WNK2: variants seen among roughly 807,000 people sequenced by gnomAD.
The protein encoded by WNK2 is WNK lysine deficient protein kinase 2, also known as serine/threonine-protein kinase WNK2.
A neutral mutation model predicts 192.1 loss-of-function variants in WNK2; 67 were observed. The observed-to-expected ratio is 0.35, with a 90% CI of 0.29 to 0.43. The LOEUF is 0.43. WNK2 is among the 20% of genes least tolerant of loss of function. The probability of loss-of-function intolerance (pLI) is 1.00; values close to 1 mark genes in which losing one functional copy is unlikely to be tolerated. For missense variants in WNK2, 2,698 were observed against 3,089.7 expected (o/e 0.87, Z 3.01); for synonymous variants, 1,439 against 1,393.9 (o/e 1.03, Z -0.72).
intron 19 of WNK2, among the ~76,000 whole-genome samples, chr9:93,286,134 T>C (rs1282010934): frequency 6.6e-6 from 1 of 152,106 alleles, no homozygotes; most frequent in Non-Finnish European, 1.5e-5. Context: ...CAACAAAATA[T>C]GCAAATGGAA....
chr9:93,185,742 T>C (rs1446786422), intron 2 of WNK2, 132 bp downstream of exon 2: 4 of 1,065,768 alleles, frequency 3.8e-6, no homozygotes, highest in Admixed American at 2.5e-5. Context: ...TGTCACCCTC[T>C]GTGTGGATGG....
intron 23 of WNK2, among the ~76,000 whole-genome samples, chr9:93,296,824 TCCCCTCATCTTCCTC>T (rs1460178770): frequency 1.2e-5 from 1 of 83,774 alleles, no homozygotes; most frequent in Non-Finnish European, 2.2e-5. Context: ...CTCTCCATTC[TCCCCTCATCTTCCTC>T]CCCCTCCATC....
intron 2 of WNK2, among the ~76,000 whole-genome samples, chr9:93,225,500 G>A (rs189834940): frequency 1.0e-3 from 152 of 152,308 alleles, no homozygotes; most frequent in African/African-American, 3.3e-3. Flanking sequence ...ACCTCTAAGA[G>A]GCACCATTGT....
intron 19 of WNK2, among the ~76,000 whole-genome samples, chr9:93,285,932 C>T (rs74367677): frequency 0.017 from 2,655 of 152,176 alleles, 74 homozygotes; most frequent in African/African-American, 0.061. Flanking sequence ...CAGTGGAGAC[C>T]GGGTGGTCTT....
intron 19 of WNK2, among the ~76,000 whole-genome samples, chr9:93,281,338 G>C (rs1373733163): frequency 6.6e-6 from 1 of 150,576 alleles, no homozygotes; most frequent in East Asian, 2.0e-4. Context: ...CAAATGACTA[G>C]ATTGAAATTT....
At position 93,222,724 on chromosome 9, in the gene WNK2, C is replaced by T. The variant is rs527250397; in HGVS notation, c.682-6972C>T. 5.3e-5 allele frequency among the ~76,000 whole-genome samples: 8 copies of T among 152,240 alleles called. No homozygotes were observed. In the South Asian group the frequency reaches 1.7e-3, roughly 32 times the overall value. ...TGAGACAGAGTTTCAGTCTTGTTGC[C>T]TAGGCTGGAGTGCAATGGTGTGATC... is the stretch of plus-strand genomic sequence containing the variant. On this transcript the variant is annotated intron_variant, in intron 2 of 29. Coordinates refer to ENST00000427277, the MANE Select transcript of WNK2 (RefSeq NM_006648.4).
chr9:93,281,309 C>A (rs1373971403), intron 19 of WNK2, among the ~76,000 whole-genome samples: 1 of 151,938 alleles, frequency 6.6e-6, no homozygotes, highest in East Asian at 1.9e-4. Flanking sequence ...ACTAAGTTTG[C>A]CTACTGCATT....
chr9:93,319,203 C>T lies in WNK2; in HGVS notation c.6629-1164C>T, dbSNP rs767265403. On this transcript the variant is annotated intron_variant, in intron 29 of 29. Transcript: ENST00000427277. The stretch of plus-strand genomic sequence containing the variant: ...AAGGAGAAAAATAAACACTTTTGCT[C>T]GAAAACAGTGTGAAACAACATCTTT... 47 of 1,612,584 alleles carry T rather than the reference C, an allele frequency of 2.9e-5. No individual in the cohort carries two copies. The East Asian group carries it at 4.2e-4, about 15-fold the overall frequency.
intron 19 of WNK2, among the ~76,000 whole-genome samples, chr9:93,282,652 G>A (rs1434188865): frequency 1.3e-5 from 2 of 152,062 alleles, no homozygotes; most frequent in Non-Finnish European, 2.9e-5. Flanking sequence ...ATAATTTAAT[G>A]TTTGCTTATA....
At chr9:93,253,615 A>G (rs1842890974) in intron 9 of WNK2, among the ~76,000 whole-genome samples, 1 of 151,994 alleles carries the variant, frequency 6.6e-6, no homozygotes, top group African/African-American at 2.4e-5. Flanking sequence ...TCTCTCCCAG[A>G]TATTGTGTAG....
chr9:93,195,165 A>C (rs1288785280), intron 2 of WNK2, among the ~76,000 whole-genome samples: 2 of 152,180 alleles, frequency 1.3e-5, no homozygotes, highest in African/African-American at 4.8e-5. Flanking sequence ...AACCCATAGC[A>C]TGTACAGCAC....
intron 16 of WNK2, among the ~76,000 whole-genome samples, chr9:93,264,640 G>A (rs1405947993): frequency 6.6e-6 from 1 of 152,232 alleles, no homozygotes; most frequent in Non-Finnish European, 1.5e-5. Context: ...CACGCACGAA[G>A]AAACATGGAA....
chr9:93,277,832 G>A (rs2133488364), intron 19 of WNK2, among the ~76,000 whole-genome samples: 1 of 152,268 alleles, frequency 6.6e-6, no homozygotes, highest in Non-Finnish European at 1.5e-5. Flanking sequence ...TTACTGTATG[G>A]TAAGTTTTAA....
Position 93,259,370 on chromosome 9 carries a change from A to G in WNK2, c.2822A>G (p.Gln941Arg). ...CAGAATATGAGGGCCACCCCTCCAC[A>G]GCCGGCACTGCCTCCACAACCCACA... The part of the protein sequence containing the change: ...TVQNMRATPP[Q>R]PALPPQPTLP... Residue 941 changes from glutamine to arginine, a missense_variant, in exon 12 of 30, where the codon CAG becomes CGG. This residue lies in a region of WNK2 where 893 missense variants were observed against 909.0 expected (regional missense o/e 0.98). Coordinates refer to ENST00000427277, the MANE Select transcript of WNK2 (RefSeq NM_006648.4). The surrounding 1 kb of genome is among the most constrained non-coding windows in gnomAD (Gnocchi z 4.8). 6.2e-7 allele frequency: 1 copy of G among 1,608,494 alleles called. No homozygotes were observed. The highest frequency in any genetic ancestry group is 2.2e-5 in the East Asian group (1 of 44,586).
At chr9:93,287,377 T>G (rs1482792421) in intron 19 of WNK2, among the ~76,000 whole-genome samples, 1 of 152,054 alleles carries the variant, frequency 6.6e-6, no homozygotes, top group Non-Finnish European at 1.5e-5. Context: ...TGTGCCTCAG[T>G]GTTAGTCGTG....
At position 93,234,908 on chromosome 9, in the gene WNK2, G is replaced by C. The variant is rs376389884; in HGVS notation, c.1176G>C (p.Ser392=). Residue 392 remains serine, a synonymous_variant, in exon 5 of 30, where the codon TCG becomes TCC. Transcript: ENST00000427277. ...FGMCMLEMAT[S]EYPYSECQNA... ...TGTGCATGCTGGAGATGGCCACCTC[G>C]GAGTACCCCTACTCGGAGTGCCAGA... The C allele has an allele frequency of 6.9e-5, 112 of 1,614,146 alleles. 1 individual carries two copies. The South Asian group carries it at 1.1e-3, about 16-fold the overall frequency.
At chr9:93,215,189 T>A (rs1835519560) in intron 2 of WNK2, among the ~76,000 whole-genome samples, 1 of 152,176 alleles carries the variant, frequency 6.6e-6, no homozygotes, top group Admixed American at 6.5e-5. Context: ...TGGCGCGATC[T>A]CGGCTCACTG....
At chr9:93,219,096 G>T (rs80345890) in intron 2 of WNK2, among the ~76,000 whole-genome samples, 4,632 of 152,382 alleles carry the variant, frequency 0.03, 143 homozygotes, top group Middle Eastern at 0.14. Context: ...GACAGGAGAG[G>T]AGGGCACCTG....
intron 2 of WNK2, among the ~76,000 whole-genome samples, chr9:93,209,387 A>G (rs879471391): frequency 2.0e-5 from 3 of 152,054 alleles, no homozygotes; most frequent in Admixed American, 1.3e-4. Context: ...CTTGCTCTCC[A>G]TTGGGGTGAC....
Sources: gnomAD v4.1 joint callset for allele counts (sites outside exome capture counted in the v4.1 genomes callset) on GRCh38, gnomAD v4.1.1 for gene constraint, gnomAD v4.1.1 regional missense constraint, Gnocchi (gnomAD v3.1) non-coding constraint, MANE v1.5 for transcripts, NCBI Gene and HGNC (gene_info 2026-07-23, HGNC 2026-07-21) for gene names.